Variants in ARFGEF1 observed in about 807,000 individuals in gnomAD.
ARFGEF1 encodes the protein brefeldin A-inhibited guanine nucleotide-exchange protein 1.
Under a neutral mutation model 231.0 loss-of-function variants are expected in ARFGEF1, and 42 were observed. The observed-to-expected ratio is 0.18, with a 90% CI of 0.14 to 0.24. The LOEUF is 0.24. Among genes scored for constraint, ARFGEF1 ranks in the 10% least tolerant of loss-of-function variants. The probability of loss-of-function intolerance (pLI) is 1.00; values close to 1 mark genes in which losing one functional copy is unlikely to be tolerated. For missense variants in ARFGEF1, 1,345 were observed against 2,192.0 expected (o/e 0.61, Z 7.72); for synonymous variants, 710 against 732.3 (o/e 0.97, Z 0.49).
At chr8:67,255,938 T>C (rs539143183) in intron 17 of ARFGEF1, among the ~76,000 whole-genome samples, 25 of 152,386 alleles carry the variant, frequency 1.6e-4, no homozygotes, top group East Asian at 1.2e-3. Flanking sequence ...GAATTTTTAA[T>C]ATTTCTTCAA....
chr8:67,265,018 T>C (rs1304103549), intron 14 of ARFGEF1, among the ~76,000 whole-genome samples: 2 of 152,170 alleles, frequency 1.3e-5, no homozygotes, highest in Non-Finnish European at 2.9e-5. Context: ...TTACACACAC[T>C]AGACCAAGAG....
At chr8:67,197,226 ACTTCAGGT>A (rs1838065268), downstream of ARFGEF1, among the ~76,000 whole-genome samples, 1 of 152,128 alleles carries the variant, frequency 6.6e-6, no homozygotes, top group African/African-American at 2.4e-5. Context: ...TGGGAGGATC[ACTTCAGGT>A]CCAAGAGTTT....
chr8:67,196,383 A>ATAAG (rs1459884014), downstream of ARFGEF1: 2 of 152,212 alleles, frequency 1.3e-5, no homozygotes, highest in African/African-American at 2.4e-5. Flanking sequence ...GGAACCTTGG[A>ATAAG]TAAGTGAGTC....
intron 22 of ARFGEF1, among the ~76,000 whole-genome samples, chr8:67,236,349 TAAAAAA>T (rs1554638965): frequency 1.1e-3 from 16 of 13,956 alleles, no homozygotes; most frequent in Non-Finnish European, 1.9e-3. Flanking sequence ...AGATATTAGT[TAAAAAA>T]AAAAAAAAAA....
intron 22 of ARFGEF1, among the ~76,000 whole-genome samples, chr8:67,236,160 C>CA (rs920031783): frequency 6.8e-6 from 1 of 147,560 alleles, no homozygotes; most frequent in Non-Finnish European, 1.5e-5. Flanking sequence ...AAACAAACAA[C>CA]AAAAAAAATT....
chr8:67,188,156 C>CA (rs1835204056), intron 5 of ARFGEF1, among the ~76,000 whole-genome samples: 1 of 152,126 alleles, frequency 6.6e-6, no homozygotes, highest in Non-Finnish European at 1.5e-5. Flanking sequence ...GACTGTTATC[C>CA]AAAATACACA....
At chr8:67,253,308 T>G in intron 18 of ARFGEF1, 143 bp downstream of exon 18, 1 of 503,350 alleles carries the variant, frequency 2.0e-6, no homozygotes, top group Admixed American at 4.1e-5. Context: ...ACTCCTGGGT[T>G]CAAGTGATCC....
chr8:67,329,704 T>C lies in ARFGEF1; in HGVS notation c.124+13460A>G, dbSNP rs1020476269. On this transcript the variant is annotated intron_variant, in intron 1 of 38. Coordinates refer to ENST00000262215, the MANE Select transcript of ARFGEF1 (RefSeq NM_006421.5). Reference sequence around the variant, plus strand: ...TTCTGAAAAGCCAAATTATTAACAGTGACTATCTTAGACAAAATATTTAGG... The same window carrying C: ...TTCTGAAAAGCCAAATTATTAACAGCGACTATCTTAGACAAAATATTTAGG... Among the ~76,000 whole-genome samples, 5 of 151,754 alleles carry C rather than the reference T, an allele frequency of 3.3e-5. No individual in the cohort carries two copies. The South Asian group carries it at 1.0e-3, about 31-fold the overall frequency.
Position 67,200,420 on chromosome 8 carries a change from T to G in ARFGEF1, c.5361A>C (p.Lys1787Asn), listed in dbSNP as rs554847027. The change falls in exon 38 of 39, where the codon AAA (lysine) becomes AAC (asparagine). Residue 1787 changes from lysine to asparagine, a missense_variant. By Grantham distance (94) the Lys-to-Asn change is moderately conservative. Coordinates refer to ENST00000262215, the MANE Select transcript of ARFGEF1 (RefSeq NM_006421.5). Reference sequence around the variant, plus strand: ...CCCTATTATCACTTATCTTTAGAACTTTAGTTAGAAACAAAAGCAGTAAGT... The same window carrying G: ...CCCTATTATCACTTATCTTTAGAACGTTAGTTAGAAACAAAAGCAGTAAGT... ...WTNLLLLFLT[K>N]VLKISDNRFK... 1 of 1,581,960 alleles carries G rather than the reference T, an allele frequency of 6.3e-7. No homozygotes were observed. The highest frequency in any genetic ancestry group is 1.1e-5 in the South Asian group (1 of 90,408).
At chr8:67,248,106 C>T (rs1272635136) in intron 19 of ARFGEF1, among the ~76,000 whole-genome samples, 1 of 149,048 alleles carries the variant, frequency 6.7e-6, no homozygotes, top group Non-Finnish European at 1.5e-5. Flanking sequence ...TATAGAATAC[C>T]ATGACATTCT....
intron 1 of ARFGEF1, among the ~76,000 whole-genome samples, chr8:67,313,745 C>T (rs1234613215): frequency 6.6e-6 from 1 of 152,176 alleles, no homozygotes; most frequent in Non-Finnish European, 1.5e-5. Context: ...TGGCCTCCTG[C>T]CAGGAGTGGT....
intron 5 of ARFGEF1, among the ~76,000 whole-genome samples, chr8:67,183,843 AT>A (rs918103972): frequency 0.019 from 2,046 of 108,186 alleles, 21 homozygotes; most frequent in African/African-American, 0.046. Context: ...AAAATTGGGA[AT>A]TTTTTTTTTT....
chr8:67,274,572 C>CT (rs1805234718), intron 9 of ARFGEF1, among the ~76,000 whole-genome samples: 3 of 152,008 alleles, frequency 2.0e-5, no homozygotes, highest in Non-Finnish European at 4.4e-5. Flanking sequence ...CCAGATCACT[C>CT]TTTTTTTCAG....
intron 22 of ARFGEF1, among the ~76,000 whole-genome samples, chr8:67,235,002 T>C (rs1839672595): frequency 6.6e-6 from 1 of 151,464 alleles, no homozygotes; most frequent in Non-Finnish European, 1.5e-5. Context: ...CCTTTGTGTA[T>C]CAACAGGATA....
chr8:67,186,970 C>CATCTATCTATCT lies in ARFGEF1; in HGVS notation c.561-11410_561-11399dup, dbSNP rs59504632. ...AATACTGAGGTATAAATCTATCTAT[C>CATCTATCTATCT]ATCTATCTATCTATCTATCTATCTA... On this transcript the variant is annotated intron_variant, in intron 5 of 5. Coordinates refer to the ARFGEF1 transcript ENST00000518789. 8.8e-3 allele frequency among the ~76,000 whole-genome samples: 1,318 copies of CATCTATCTATCT among 149,860 alleles called. 11 individuals are homozygous for CATCTATCTATCT. The highest frequency in any genetic ancestry group is 0.018 in the East Asian group (90 of 5,026).
downstream of ARFGEF1, chr8:67,175,284 T>C: frequency 6.3e-7 from 1 of 1,596,112 alleles, no homozygotes; most frequent in Non-Finnish European, 8.6e-7. Flanking sequence ...TATAACATAT[T>C]TTTTATACCA....
chr8:67,232,956 T>TA lies in ARFGEF1; in HGVS notation c.3290-12dup, dbSNP rs534086965. 28 of 1,587,436 alleles carry TA rather than the reference T, an allele frequency of 1.8e-5. No homozygotes were observed. The highest frequency in any genetic ancestry group is 1.7e-4 in the Middle Eastern group (1 of 5,968). The stretch of plus-strand genomic sequence containing the variant: ...CCACATTTCCTCCAACTACCACACA[T>TA]AAAAAAAAGTCATTTCAGTTTGAAA... On this transcript the variant is annotated splice_polypyrimidine_tract_variant and intron_variant, in intron 22 of 38. Coordinates refer to ENST00000262215, the MANE Select transcript of ARFGEF1 (RefSeq NM_006421.5).
chr8:67,210,656 G>A (rs575629879), intron 34 of ARFGEF1, among the ~76,000 whole-genome samples: 7 of 152,134 alleles, frequency 4.6e-5, no homozygotes, highest in Non-Finnish European at 4.4e-5. Context: ...TCAGGTGCTC[G>A]TTGGCGGAAA....
chr8:67,343,105 G>GGCCCCCCCCCC, intron 1 of ARFGEF1, 59 bp downstream of exon 1: 1 of 483,916 alleles, frequency 2.1e-6, no homozygotes, highest in South Asian at 3.8e-5. Context: ...CCCCCCACAG[G>GGCCCCCCCCCC]CGCCCCCCTC....
Sources: gnomAD v4.1 joint callset for allele counts (sites outside exome capture counted in the v4.1 genomes callset) on GRCh38, gnomAD v4.1.1 for gene constraint, MANE v1.5 for transcripts, NCBI Gene and HGNC (gene_info 2026-07-23, HGNC 2026-07-21) for gene names.